The following SCGB2A1 variants were observed in gnomAD, a reference collection of about 807,000 sequenced individuals.
The protein encoded by SCGB2A1 is secretoglobin family 2A member 1.
Under a neutral mutation model 9.2 loss-of-function variants are expected in SCGB2A1, and 6 were observed. The observed-to-expected ratio is 0.66, with a 90% CI of 0.36 to 1.29. The LOEUF (loss-of-function observed/expected upper bound fraction) is 1.29, where lower values mean the gene tolerates loss of function less well. Ranked by LOEUF, SCGB2A1 falls within the 50% of genes most tolerant of loss-of-function variation. The pLI is 0.03. For synonymous variants in SCGB2A1, 37 were observed against 41.0 expected (o/e 0.90, Z 0.37); for missense variants, 138 against 116.9 (o/e 1.18, Z -0.83).
At chr11:62,208,842 T>G (rs1244415823) in intron 1 of SCGB2A1, 56 bp downstream of exon 1, 1 of 1,564,570 alleles carries the variant, frequency 6.4e-7, no homozygotes, top group East Asian at 2.2e-5. Context: ...CCTGGGCCCC[T>G]GTAGAAGAAC....
chr11:62,213,702 A>G (rs368463941), intron 2 of SCGB2A1, 24 bp from the exon 3 acceptor site: 125 of 1,603,560 alleles, frequency 7.8e-5, no homozygotes, highest in Non-Finnish European at 9.9e-5. Flanking sequence ...TTGCAAACCT[A>G]AGTGACCTGC....
intron 2 of SCGB2A1, among the ~76,000 whole-genome samples, chr11:62,213,087 TACAC>T (rs367585318): frequency 0.26 from 30,759 of 119,046 alleles, 5,514 homozygotes; most frequent in Middle Eastern, 0.46. Flanking sequence ...TACACATATA[TACAC>T]ATATATATAT....
chr11:62,212,112 G>C (rs1033760492), intron 2 of SCGB2A1, among the ~76,000 whole-genome samples: 4 of 150,584 alleles, frequency 2.7e-5, no homozygotes, highest in African/African-American at 9.8e-5. Flanking sequence ...AAGTAGAGAT[G>C]GGGTTTCACC....
In SCGB2A1 at chr11:62,210,555, C is replaced by T. The variant is rs866466070; in HGVS notation, c.198C>T (p.Phe66=). The T allele has an allele frequency of 3.2e-6, 5 of 1,577,484 alleles. No homozygotes were observed. The highest frequency in any genetic ancestry group is 3.4e-6 in the Non-Finnish European group (4 of 1,168,702). The change falls in exon 2 of 3, where the codon TTC becomes TTT. Residue 66 remains phenylalanine, a synonymous_variant. Coordinates refer to ENST00000244930, the MANE Select transcript of SCGB2A1 (RefSeq NM_002407.3). ...AEAMGKFKQC[F]LNQSHRTLKN... ...CTATGGGGAAATTCAAGCAGTGTTT[C>T]CTCAACCAGTCACATAGAACTCTGA...
intron 2 of SCGB2A1, among the ~76,000 whole-genome samples, chr11:62,210,898 C>G (rs1423374214): frequency 6.6e-6 from 1 of 150,910 alleles, no homozygotes; most frequent in Non-Finnish European, 1.5e-5. Context: ...TAGACACACA[C>G]AGACACACGG....
At position 62,213,798 on chromosome 11, in the gene SCGB2A1, G is replaced by C. The variant is rs765998100; in HGVS notation, c.*28G>C. The stretch of plus-strand genomic sequence containing the variant: ...TTACCCAAGGCGTTTGGCTCAGAGG[G>C]CTACAGACTATGGCCAGAACTCATC... On this transcript the variant is annotated 3_prime_UTR_variant, in exon 3 of 3. Coordinates refer to ENST00000244930, the MANE Select transcript of SCGB2A1 (RefSeq NM_002407.3). 3.1e-6 allele frequency: 5 copies of C among 1,601,416 alleles called. No individual in the cohort carries two copies. The highest frequency in any genetic ancestry group is 1.3e-5 in the African/African-American group (1 of 74,570).
At chr11:62,211,718 A>G (rs1944832473) in intron 2 of SCGB2A1, among the ~76,000 whole-genome samples, 1 of 152,004 alleles carries the variant, frequency 6.6e-6, no homozygotes, top group Non-Finnish European at 1.5e-5. Flanking sequence ...AGAATTTAAA[A>G]TGCAAGTCCA....
chr11:62,212,957 T>TACACATATGTAC (rs1554985819), intron 2 of SCGB2A1, among the ~76,000 whole-genome samples: 3 of 78,548 alleles, frequency 3.8e-5, no homozygotes, highest in African/African-American at 1.0e-4. Context: ...CACACATATG[T>TACACATATGTAC]ACACATATGT....
intron 2 of SCGB2A1, 119 bp from the exon 3 acceptor site, chr11:62,213,607 C>A (rs1273820900): frequency 1.8e-5 from 17 of 955,464 alleles, no homozygotes; most frequent in Admixed American, 2.2e-5. Flanking sequence ...GCTTCCACTG[C>A]AAATCCTCCT....
At chr11:62,213,032 A>ACATATACG (rs1565121463) in intron 2 of SCGB2A1, among the ~76,000 whole-genome samples, 2 of 55,594 alleles carry the variant, frequency 3.6e-5, no homozygotes, top group Middle Eastern at 6.7e-3. Flanking sequence ...ACATATATAC[A>ACATATACG]CACATATATA....
At chr11:62,213,069 TACATATATACACATATATACAC>T (rs1456128530) in intron 2 of SCGB2A1, among the ~76,000 whole-genome samples, 1,222 of 51,350 alleles carry the variant, frequency 0.024, 39 homozygotes, top group Middle Eastern at 0.052. Context: ...TACACATATA[TACATATATACACATATATACAC>T]ATATATATAT....
Position 62,210,511 on chromosome 11 carries a change from A to AG in SCGB2A1, c.155dup (p.Ser52ArgfsTer2). The AG allele has an allele frequency of 3.1e-6, 5 of 1,597,934 alleles. No homozygotes were observed. Among genetic ancestry groups the AG allele is most frequent in the Non-Finnish European group, 4.3e-6 (5 of 1,174,658 alleles). On this transcript the variant is annotated frameshift_variant, in exon 2 of 3. Coordinates refer to ENST00000244930, the MANE Select transcript of SCGB2A1 (RefSeq NM_002407.3). LOFTEE classifies it high-confidence loss of function. Reference sequence around the variant, plus strand: ...AGAGCTTCTTCAAGAGTTCATAGACAGTGATGCCGCTGCAGAGGCTATGGG... The same window carrying AG: ...AGAGCTTCTTCAAGAGTTCATAGACAGGTGATGCCGCTGCAGAGGCTATGGG...
intron 2 of SCGB2A1, among the ~76,000 whole-genome samples, chr11:62,213,011 T>C (rs555396241): frequency 0.029 from 2,451 of 84,824 alleles, 96 homozygotes; most frequent in African/African-American, 0.095. Flanking sequence ...TACACATATA[T>C]GCACATATAT....
At chr11:62,213,676 ATT>A (rs1339986774) in intron 2 of SCGB2A1, 48 bp from the exon 3 acceptor site, 13 of 1,553,128 alleles carry the variant, frequency 8.4e-6, no homozygotes, top group Non-Finnish European at 1.1e-5. Context: ...TTAATATTTG[ATT>A]TAATAAGTGA....
At chr11:62,210,824 C>T (rs967667453) in intron 2 of SCGB2A1, among the ~76,000 whole-genome samples, 2 of 151,922 alleles carry the variant, frequency 1.3e-5, no homozygotes, top group African/African-American at 4.8e-5. Context: ...AGAGATCACC[C>T]GTCTACCTCT....
rs1446440074 is a variant in SCGB2A1 at position 62,212,989 on chromosome 11, C to CACACAT, written c.244-736_244-735insCACATA. 2.4e-3 allele frequency among the ~76,000 whole-genome samples: 329 copies of CACACAT among 135,648 alleles called. 4 individuals are homozygous for CACACAT. Among genetic ancestry groups the CACACAT allele is most frequent in the Middle Eastern group, 0.012 (3 of 256 alleles). 89.0% of individuals were successfully genotyped at this position (135,648 alleles called of 152,430 possible). A position where few individuals can be genotyped will look rare whatever the true frequency, so the allele number is the denominator to read the frequency against. ...ATGTACACATATATGTGCACATATACATGCATATATGTACACATATATGCA... is the reference window on the plus strand; with the variant it reads ...ATGTACACATATATGTGCACATATACACACATATGCATATATGTACACATATATGCA... On this transcript the variant is annotated intron_variant, in intron 2 of 2. Transcript: ENST00000244930.
chr11:62,212,284 C>T lies in SCGB2A1; in HGVS notation c.244-1442C>T, dbSNP rs189241667. Among the ~76,000 whole-genome samples, 236 of 152,010 alleles carry T rather than the reference C, an allele frequency of 1.6e-3. 1 individual carries two copies. Among genetic ancestry groups the T allele is most frequent in the African/African-American group, 5.4e-3 (223 of 41,422 alleles). The stretch of plus-strand genomic sequence containing the variant: ...AAAATGTAAAGATATATCAAATGCT[C>T]AAGGATAAAAATAAATATTAACTGC... On this transcript the variant is annotated intron_variant, in intron 2 of 2. Coordinates refer to ENST00000244930, the MANE Select transcript of SCGB2A1 (RefSeq NM_002407.3).
intron 2 of SCGB2A1, among the ~76,000 whole-genome samples, chr11:62,213,272 G>GAAGA (rs1944853878): frequency 6.6e-6 from 1 of 151,888 alleles, no homozygotes; most frequent in South Asian, 2.1e-4. Context: ...AGGTAATGGT[G>GAAGA]AAGAGTCTCA....
chr11:62,213,087 T>TACAC lies in SCGB2A1; in HGVS notation c.244-637_244-634dup, dbSNP rs367585318. The stretch of plus-strand genomic sequence containing the variant: ...ACATATATACATATATACACATATA[T>TACAC]ACACATATATATATATATATTTTTT... On this transcript the variant is annotated intron_variant, in intron 2 of 2. Transcript: ENST00000244930. 5.5e-3 allele frequency among the ~76,000 whole-genome samples: 659 copies of TACAC among 119,224 alleles called. 35 individuals are homozygous for TACAC. Among genetic ancestry groups the TACAC allele is most frequent in the South Asian group, 0.018 (70 of 3,914 alleles). 78.2% of individuals were successfully genotyped at this position (119,224 alleles called of 152,430 possible).
Sources: allele counts gnomAD v4.1 joint callset (sites outside exome capture counted in the v4.1 genomes callset), GRCh38; gene constraint gnomAD v4.1.1; transcripts MANE v1.5; gene names NCBI Gene and HGNC (gene_info 2026-07-23, HGNC 2026-07-21).